PTPN12: variants seen among roughly 807,000 people sequenced by gnomAD.
The protein encoded by PTPN12 is tyrosine-protein phosphatase non-receptor type 12.
A neutral mutation model predicts 97.6 loss-of-function variants in PTPN12; 29 were observed. That is an observed-to-expected ratio of 0.30 (90% CI 0.22 to 0.41). The LOEUF (loss-of-function observed/expected upper bound fraction) is 0.41. Among genes scored for constraint, PTPN12 ranks in the 10% least tolerant of loss-of-function variants. The probability of loss-of-function intolerance (pLI) is 1.00; values close to 1 mark genes in which losing one functional copy is unlikely to be tolerated. For synonymous variants in PTPN12, 327 were observed against 300.4 expected, an observed-to-expected ratio of 1.09 and a Z score of -0.91; for missense variants, 819 against 926.0, an observed-to-expected ratio of 0.88 and a Z score of 1.50.
intron 1 of PTPN12, among the ~76,000 whole-genome samples, chr7:77,553,718 G>C (rs959965688): frequency 6.6e-6 from 1 of 152,060 alleles, no homozygotes; most frequent in Non-Finnish European, 1.5e-5. Flanking sequence ...GTTAGGTCTT[G>C]GTTTTTAATC....
rs184933333 is a variant in PTPN12 at position 77,593,568 on chromosome 7, C to T, written c.492+1312C>T. On this transcript the variant is annotated intron_variant, in intron 6 of 17. Transcript: ENST00000248594. ...AGTCTGTTGTAGAATCAGGATGAGC[C>T]AATGTTGCAGATGAAGGCAGCCTGC... Among the ~76,000 whole-genome samples the T allele has an allele frequency of 3.4e-3, 524 of 152,250 alleles. 1 individual carries two copies. Among genetic ancestry groups the T allele is most frequent in the Non-Finnish European group, 4.8e-3 (325 of 68,028 alleles).
At chr7:77,551,527 CAGTT>C (rs1257843194) in intron 1 of PTPN12, among the ~76,000 whole-genome samples, 4 of 152,184 alleles carry the variant, frequency 2.6e-5, no homozygotes, top group Admixed American at 1.3e-4. Flanking sequence ...AGGTTCTCTT[CAGTT>C]AGGGCAAGTG....
chr7:77,617,717 A>C (rs1788799642), intron 11 of PTPN12, among the ~76,000 whole-genome samples: 1 of 152,182 alleles, frequency 6.6e-6, no homozygotes, highest in Non-Finnish European at 1.5e-5. Context: ...AGCTAGATAA[A>C]TATGAGATAT....
At chr7:77,587,178 C>T (rs530073505) in intron 5 of PTPN12, among the ~76,000 whole-genome samples, 2 of 152,096 alleles carry the variant, frequency 1.3e-5, no homozygotes, top group African/African-American at 4.8e-5. Context: ...CTAGACCCAT[C>T]AGAGTAATCA....
chr7:77,639,374 T>C lies in PTPN12; in HGVS notation c.*94T>C. ...GTATTCCATCTTTAATATGTGGGAC[T>C]AACAGCAGTGTAGATTGTTACCTTA... On this transcript the variant is annotated 3_prime_UTR_variant, in exon 18 of 18. Transcript: ENST00000248594. The C allele has an allele frequency of 9.9e-7, 1 of 1,012,114 alleles. No individual in the cohort carries two copies. Among genetic ancestry groups the C allele is most frequent in the Non-Finnish European group, 1.5e-6 (1 of 664,140 alleles). The allele number at this position is 1,012,114 out of a possible 1,614,324, so 62.7% of individuals were successfully genotyped here. A position where few individuals can be genotyped will look rare whatever the true frequency, so the allele number is the denominator to read the frequency against.
intron 13 of PTPN12, among the ~76,000 whole-genome samples, chr7:77,629,112 G>A (rs1467991220): frequency 1.3e-5 from 2 of 151,984 alleles, no homozygotes; most frequent in African/African-American, 2.4e-5. Flanking sequence ...ACCATGCCTG[G>A]CTAATTTTTT....
At chr7:77,638,564 T>TTA (rs964279859) in intron 16 of PTPN12, 60 bp from the exon 17 acceptor site, 83 of 1,466,696 alleles carry the variant, frequency 5.7e-5, no homozygotes, top group Non-Finnish European at 6.8e-5. Flanking sequence ...AATTAAAGAG[T>TTA]TATATATATA....
At chr7:77,580,353 ATAAAG>A (rs1325490530) in intron 2 of PTPN12, among the ~76,000 whole-genome samples, 1 of 152,236 alleles carries the variant, frequency 6.6e-6, no homozygotes, top group African/African-American at 2.4e-5. Context: ...AGTAAAAATA[ATAAAG>A]TAAATCTTTC....
Position 77,632,400 on chromosome 7 carries a change from A to G in PTPN12, c.2049A>G (p.Glu683=). 1.2e-6 allele frequency: 2 copies of G among 1,611,012 alleles called. No individual in the cohort carries two copies. The highest frequency in any genetic ancestry group is 1.7e-6 in the Non-Finnish European group (2 of 1,177,326). Residue 683 remains glutamate, a synonymous_variant, in exon 14 of 18, where the codon GAA becomes GAG. Transcript: ENST00000248594. ...CTCCCCTACCTGAAAGAACTCCTGAATCGTTTGTGTTAGCAAGTGAACATA... is the reference window on the plus strand; with the variant it reads ...CTCCCCTACCTGAAAGAACTCCTGAGTCGTTTGTGTTAGCAAGTGAACATA... ...SPPPLPERTP[E]SFVLASEHNT...
chr7:77,607,156 T>A, intron 8 of PTPN12, 79 bp from the exon 9 acceptor site: 1 of 1,139,958 alleles, frequency 8.8e-7, no homozygotes, highest in Non-Finnish European at 1.3e-6. Flanking sequence ...TGTTTCTGAA[T>A]ATTAACATGT....
intron 11 of PTPN12, among the ~76,000 whole-genome samples, chr7:77,617,206 ATAAT>A (rs1186373877): frequency 2.6e-5 from 4 of 152,184 alleles, no homozygotes; most frequent in Non-Finnish European, 5.9e-5. Context: ...TCTAGGTTTA[ATAAT>A]TAATAATGCT....
intron 14 of PTPN12, among the ~76,000 whole-genome samples, chr7:77,634,404 T>C (rs540909320): frequency 1.3e-4 from 20 of 152,236 alleles, no homozygotes; most frequent in African/African-American, 4.8e-4. Context: ...GATTTTTGTT[T>C]TGTTTCATTT....
intron 6 of PTPN12, among the ~76,000 whole-genome samples, chr7:77,596,961 G>A (rs977065552): frequency 4.6e-5 from 7 of 152,112 alleles, no homozygotes; most frequent in Non-Finnish European, 5.9e-5. Context: ...ATATGATGAC[G>A]TGTATCCACC....
At chr7:77,548,499 T>G (rs552768520) in intron 1 of PTPN12, among the ~76,000 whole-genome samples, 1 of 152,180 alleles carries the variant, frequency 6.6e-6, no homozygotes, top group East Asian at 1.9e-4. Context: ...TAAAAACTGT[T>G]TAGAAATTAA....
intron 1 of PTPN12, among the ~76,000 whole-genome samples, chr7:77,542,157 C>T (rs1013174337): frequency 6.6e-6 from 1 of 152,194 alleles, no homozygotes; most frequent in Non-Finnish European, 1.5e-5. Context: ...AAGGATCTTA[C>T]ATCTATGCTA....
chr7:77,577,285 G>T, intron 2 of PTPN12, among the ~76,000 whole-genome samples: 1 of 152,270 alleles, frequency 6.6e-6, no homozygotes, highest in Middle Eastern at 3.4e-3. Context: ...TCAGTTTTGT[G>T]ATTTGGGCAT....
At chr7:77,626,242 A>G (rs1209268753) in intron 12 of PTPN12, among the ~76,000 whole-genome samples, 3 of 152,224 alleles carry the variant, frequency 2.0e-5, no homozygotes, top group Non-Finnish European at 4.4e-5. Context: ...ATACGAAATC[A>G]TGGTGTCATA....
intron 14 of PTPN12, among the ~76,000 whole-genome samples, chr7:77,633,947 C>G (rs868417595): frequency 2.8e-4 from 42 of 151,986 alleles, no homozygotes; most frequent in African/African-American, 1.0e-3. Flanking sequence ...TGCTTGAACC[C>G]AGGATGCAGA....
chr7:77,544,126 A>G (rs921597163), intron 1 of PTPN12, among the ~76,000 whole-genome samples: 2 of 152,186 alleles, frequency 1.3e-5, no homozygotes, highest in African/African-American at 2.4e-5. Context: ...TTACATTCCA[A>G]TCAGGAATAT....
Sources: allele counts gnomAD v4.1 joint callset (sites outside exome capture counted in the v4.1 genomes callset), GRCh38; gene constraint gnomAD v4.1.1; transcripts MANE v1.5; gene names NCBI Gene and HGNC (gene_info 2026-07-23, HGNC 2026-07-21).